Variants in ABCC5 observed in about 807,000 individuals in gnomAD.
The protein encoded by ABCC5 is ATP-binding cassette sub-family C member 5.
In ABCC5, 61 loss-of-function variants were observed where a neutral mutation model predicts 160.9. The observed-to-expected ratio is 0.38, with a 90% CI of 0.31 to 0.47. The LOEUF (loss-of-function observed/expected upper bound fraction) is 0.47, where lower values mean the gene tolerates loss of function less well. Ranked by LOEUF, ABCC5 falls within the 20% of genes least tolerant of loss-of-function variation. The pLI is 0.99. For synonymous variants in ABCC5, 666 were observed against 700.6 expected (o/e 0.95, Z 0.78); for missense variants, 1,308 against 1,813.3 (o/e 0.72, Z 5.06).
chr3:184,012,014 A>AACACAC (rs3031485), intron 2 of ABCC5, among the ~76,000 whole-genome samples: 7,122 of 145,394 alleles, frequency 0.049, 302 homozygotes, highest in African/African-American at 0.11. Context: ...CATAGAACAC[A>AACACAC]ACACACACAC....
At chr3:183,939,905 C>T (rs925304909) in intron 25 of ABCC5, among the ~76,000 whole-genome samples, 4 of 152,116 alleles carry the variant, frequency 2.6e-5, no homozygotes, top group South Asian at 2.1e-4. Flanking sequence ...AGGGCCTCAT[C>T]GAGATCACCA....
chr3:183,961,381 A>G, intron 16 of ABCC5, 130 bp downstream of exon 16: 1 of 1,166,826 alleles, frequency 8.6e-7, no homozygotes, highest in Non-Finnish European at 1.2e-6. Flanking sequence ...CAGTCTGTTC[A>G]CCAGAAAACA....
intron 16 of ABCC5, among the ~76,000 whole-genome samples, chr3:183,961,144 C>T (rs910355154): frequency 6.6e-6 from 1 of 152,166 alleles, no homozygotes; most frequent in Admixed American, 6.6e-5. Context: ...ACTTTATTCA[C>T]TTGTTTATTT....
At chr3:183,960,682 G>C (rs1230462718) in intron 16 of ABCC5, among the ~76,000 whole-genome samples, 5 of 152,166 alleles carry the variant, frequency 3.3e-5, no homozygotes, top group African/African-American at 1.2e-4. Flanking sequence ...CCCTACCCCT[G>C]AGAACTGCCT....
At chr3:183,935,636 G>A (rs1713634415) in intron 26 of ABCC5, among the ~76,000 whole-genome samples, 1 of 151,940 alleles carries the variant, frequency 6.6e-6, no homozygotes, top group South Asian at 2.1e-4. Flanking sequence ...CTGGAGCTCT[G>A]GAGTAGCTGG....
intron 2 of ABCC5, among the ~76,000 whole-genome samples, chr3:183,990,251 C>T (rs548805170): frequency 1.3e-5 from 2 of 151,790 alleles, no homozygotes; most frequent in South Asian, 4.2e-4. Flanking sequence ...GGGTTACAGG[C>T]GTGCACCACC....
intron 27 of ABCC5, chr3:183,927,734 G>T (rs917842751): frequency 2.0e-6 from 2 of 985,270 alleles, no homozygotes; most frequent in Admixed American, 6.2e-5. Context: ...CTTAAGTTTT[G>T]GTTCTGAAAA....
rs552748334 is a variant in ABCC5 at position 183,949,422 on chromosome 3, T to C, written c.3227+331A>G. ...ATCTGTGGGGTTTGTTCCTTGTATT[T>C]TGTTTTGAGATGGGGTCCACTATAT... On this transcript the variant is annotated intron_variant, in intron 22 of 29. Transcript: ENST00000334444. The surrounding 1 kb of genome is among the most constrained non-coding windows in gnomAD (Gnocchi z 4.2). Among the ~76,000 whole-genome samples, 42 of 152,232 alleles carry C rather than the reference T, an allele frequency of 2.8e-4. No individual in the cohort carries two copies. Among genetic ancestry groups the C allele is most frequent in the Non-Finnish European group, 5.6e-4 (38 of 68,030 alleles).
intron 25 of ABCC5, among the ~76,000 whole-genome samples, chr3:183,939,831 T>C (rs1300780919): frequency 6.6e-6 from 1 of 152,240 alleles, no homozygotes; most frequent in African/African-American, 2.4e-5. Context: ...TTTCCTTGGC[T>C]GTACGCCTGG....
chr3:183,947,272 C>T (rs1352757345), intron 23 of ABCC5, 52 bp downstream of exon 23: 4 of 1,506,140 alleles, frequency 2.7e-6, no homozygotes, highest in African/African-American at 2.8e-5. Context: ...TTTACGTCAG[C>T]AGAGGAAGGG....
At chr3:183,984,811 C>A (rs757832703) in intron 5 of ABCC5, 1 of 1,580,756 alleles carries the variant, frequency 6.3e-7, no homozygotes, top group Non-Finnish European at 8.5e-7. Flanking sequence ...CTTTTCCTCA[C>A]GTGAAGCAAC....
At position 183,953,166 on chromosome 3, in the gene ABCC5, T is replaced by A; in HGVS notation, c.2587A>T (p.Met863Leu). 1 of 1,614,078 alleles carries A rather than the reference T, an allele frequency of 6.2e-7. No individual in the cohort carries two copies. The highest frequency in any genetic ancestry group is 2.2e-5 in the East Asian group (1 of 44,878). ...CCTACATTCAGCATGAAAAGGGCCA[T>A]AATAACCAGGAATGCCAAGGGGCCC... ...AGGPLAFLVI[M>L]ALFMLNVGST... Residue 863 changes from methionine to leucine, a missense_variant, in exon 18 of 30, where the codon ATG becomes TTG. Around this residue, in one of 3 missense-constraint regions of ABCC5, gnomAD observed 1,142 missense variants for 1,527.1 expected, o/e 0.75. Coordinates refer to ENST00000334444, the MANE Select transcript of ABCC5 (RefSeq NM_005688.4).
chr3:183,983,091 T>A, intron 5 of ABCC5, 84 bp from the exon 6 acceptor site: 1 of 1,302,892 alleles, frequency 7.7e-7, no homozygotes, highest in Non-Finnish European at 1.1e-6. Flanking sequence ...TTAGAAAGAG[T>A]AGGCAGCTCC....
chr3:183,946,046 G>T, intron 23 of ABCC5, 107 bp from the exon 24 acceptor site: 1 of 945,688 alleles, frequency 1.1e-6, no homozygotes, highest in Non-Finnish European at 1.7e-6. Context: ...CTGAGCACAT[G>T]CAGCAGCTGG....
rs556642268 is a variant in ABCC5, at chr3:184,017,836, C to T, written c.-62G>A. 1 of 152,674 alleles carries T rather than the reference C, an allele frequency of 6.5e-6. No homozygotes were observed. The highest frequency in any genetic ancestry group is 1.9e-4 in the East Asian group (1 of 5,192). 9.5% of individuals were successfully genotyped at this position (152,674 alleles called of 1,614,324 possible). ...GGCAGCAGCCATCACCTACCTGCGC[C>T]CCTGCTCCAGGACAACCGCGCCAGC... On this transcript the variant is annotated 5_prime_UTR_variant, in exon 1 of 30. Coordinates refer to ENST00000334444, the MANE Select transcript of ABCC5 (RefSeq NM_005688.4). This position sits in a 1 kb window ranked among gnomAD's most constrained non-coding sequence, Gnocchi z 4.5.
chr3:183,940,644 C>T (rs563066815), intron 25 of ABCC5, among the ~76,000 whole-genome samples: 2 of 151,932 alleles, frequency 1.3e-5, no homozygotes, highest in East Asian at 3.9e-4. Flanking sequence ...TCCAGTTTAA[C>T]AAAAGGTGCC....
intron 11 of ABCC5, among the ~76,000 whole-genome samples, chr3:183,968,103 G>C (rs1717393348): frequency 1.3e-5 from 2 of 151,902 alleles, no homozygotes; most frequent in South Asian, 4.2e-4. Flanking sequence ...TAGAAGACAG[G>C]GTAGGGCTTT....
rs2108936671 is a variant in ABCC5 at position 184,014,394 on chromosome 3, T to G, written c.-2A>C. On this transcript the variant is annotated 5_prime_UTR_variant, in exon 2 of 30. Transcript: ENST00000334444. ...TTTTCCTATGTCGATATCCTTCATC[T>G]TCTCTGAGTGGAGGTTCCAGGGCTC... 6.2e-7 allele frequency: 1 copy of G among 1,610,000 alleles called. No individual in the cohort carries two copies. Among genetic ancestry groups the G allele is most frequent in the Admixed American group, 1.7e-5 (1 of 59,146 alleles).
intron 25 of ABCC5, among the ~76,000 whole-genome samples, chr3:183,939,651 G>A (rs1714095571): frequency 6.6e-6 from 1 of 151,992 alleles, no homozygotes; most frequent in South Asian, 2.1e-4. Flanking sequence ...AATTTCCTTG[G>A]GAAAGAATCT....
Sources: allele counts gnomAD v4.1 joint callset (sites outside exome capture counted in the v4.1 genomes callset), GRCh38; gene constraint gnomAD v4.1.1; regional missense constraint gnomAD v4.1.1; non-coding constraint Gnocchi (gnomAD v3.1); transcripts MANE v1.5; gene names NCBI Gene and HGNC (gene_info 2026-07-23, HGNC 2026-07-21).